Variants in EPM2A observed in about 807,000 individuals in gnomAD.
EPM2A encodes EPM2A glucan phosphatase, laforin.
A neutral mutation model predicts 26.5 loss-of-function variants in EPM2A; 21 were observed. The ratio of observed to expected loss-of-function variants is 0.79; its 90% CI spans 0.56 to 1.14. The LOEUF (loss-of-function observed/expected upper bound fraction) is 1.14. Among genes scored for constraint, EPM2A ranks in the 50% most tolerant of loss-of-function variants. The probability of loss-of-function intolerance (pLI) is 0.00; values close to 1 mark genes in which losing one functional copy is unlikely to be tolerated. For synonymous variants in EPM2A, 217 were observed against 177.6 expected (o/e 1.22, Z -1.76); for missense variants, 458 against 440.8 (o/e 1.04, Z -0.35).
intron 2 of EPM2A, among the ~76,000 whole-genome samples, chr6:145,598,516 G>T (rs1300453954): frequency 6.6e-6 from 1 of 152,098 alleles, no homozygotes; most frequent in Non-Finnish European, 1.5e-5. Context: ...ACCTTTGTTA[G>T]ATGCATAGTT....
intron 2 of EPM2A, among the ~76,000 whole-genome samples, chr6:145,676,776 G>C (rs1400210690): frequency 2.0e-5 from 3 of 152,132 alleles, no homozygotes; most frequent in Admixed American, 2.0e-4. Flanking sequence ...CTGAAATTGA[G>C]GCAATAATTG....
chr6:145,603,460 T>C (rs1475236412), intron 2 of EPM2A, among the ~76,000 whole-genome samples: 1 of 152,160 alleles, frequency 6.6e-6, no homozygotes. Flanking sequence ...CACATTTTTA[T>C]GTGATTAATT....
chr6:145,503,568 A>T (rs1779926101), intron 2 of EPM2A, among the ~76,000 whole-genome samples: 1 of 87,348 alleles, frequency 1.1e-5, no homozygotes, highest in Non-Finnish European at 2.2e-5. Context: ...GGAGAACTAC[A>T]AACCACTGCT....
At chr6:145,655,909 T>A (rs1286088590) in intron 2 of EPM2A, among the ~76,000 whole-genome samples, 1 of 152,180 alleles carries the variant, frequency 6.6e-6, no homozygotes, top group Non-Finnish European at 1.5e-5. Context: ...GTTCTTAGTG[T>A]TTGGAAAGTA....
chr6:145,561,565 G>T (rs1321456706), intron 2 of EPM2A, among the ~76,000 whole-genome samples: 1 of 152,078 alleles, frequency 6.6e-6, no homozygotes, highest in Non-Finnish European at 1.5e-5. Flanking sequence ...ACACACAAAT[G>T]GTAACTATTC....
At chr6:145,533,006 T>C in intron 2 of EPM2A, among the ~76,000 whole-genome samples, 1 of 152,190 alleles carries the variant, frequency 6.6e-6, no homozygotes, top group Admixed American at 6.5e-5. Flanking sequence ...ATCAAACTTA[T>C]ATATTCATTT....
intron 2 of EPM2A, among the ~76,000 whole-genome samples, chr6:145,525,251 ATTTATTTT>A (rs1005733872): frequency 2.5e-5 from 3 of 117,820 alleles, no homozygotes; most frequent in Non-Finnish European, 5.6e-5. Context: ...TTATTTATTT[ATTTATTTT>A]TTGCTTAGTA....
intron 2 of EPM2A, among the ~76,000 whole-genome samples, chr6:145,551,615 T>G (rs962769607): frequency 6.6e-6 from 1 of 152,096 alleles, no homozygotes. Flanking sequence ...AAATCTTGGT[T>G]AAGAATTACA....
intron 2 of EPM2A, among the ~76,000 whole-genome samples, chr6:145,533,242 C>G (rs576934652): frequency 1.2e-4 from 19 of 152,264 alleles, no homozygotes; most frequent in South Asian, 8.3e-4. Flanking sequence ...CCTGTTGACT[C>G]TATTTCCTTG....
At chr6:145,658,712 A>T (rs1055669252) in intron 2 of EPM2A, among the ~76,000 whole-genome samples, 2 of 152,234 alleles carry the variant, frequency 1.3e-5, no homozygotes, top group African/African-American at 4.8e-5. Context: ...TGCTTTTATA[A>T]GTTAAAGTAG....
chr6:145,499,272 G>T (rs545914575), downstream of EPM2A, among the ~76,000 whole-genome samples: 1 of 152,220 alleles, frequency 6.6e-6, no homozygotes, highest in African/African-American at 2.4e-5. Flanking sequence ...CTCTTTCCCT[G>T]AGTTCCAATT....
intron 4 of EPM2A, chr6:145,463,474 G>A (rs1299409788): frequency 1.3e-5 from 2 of 152,004 alleles, no homozygotes; most frequent in Non-Finnish European, 2.9e-5. Context: ...GTAAATTTAT[G>A]CACATACATA....
chr6:145,608,680 T>G (rs1277928924), intron 2 of EPM2A, among the ~76,000 whole-genome samples: 1 of 152,162 alleles, frequency 6.6e-6, no homozygotes. Flanking sequence ...GGTCCTGGAT[T>G]AAGTTTGCTG....
At chr6:145,674,782 A>AT (rs1779903294) in intron 2 of EPM2A, among the ~76,000 whole-genome samples, 1 of 152,130 alleles carries the variant, frequency 6.6e-6, no homozygotes, top group African/African-American at 2.4e-5. Context: ...ATATGGCACT[A>AT]TGTGAAAAGA....
intron 4 of EPM2A, among the ~76,000 whole-genome samples, chr6:145,401,442 C>A (rs188432560): frequency 6.2e-4 from 95 of 152,218 alleles, no homozygotes; most frequent in Non-Finnish European, 1.3e-3. Context: ...TCCAATTACT[C>A]TTCTTGTTGA....
chr6:145,665,832 C>T (rs1343359416), intron 2 of EPM2A, among the ~76,000 whole-genome samples: 81 of 141,304 alleles, frequency 5.7e-4, no homozygotes, highest in Non-Finnish European at 9.4e-4. Context: ...AAGTGGGCTT[C>T]ATCCCTGGGA....
In EPM2A at chr6:145,697,582, G is replaced by A. The variant is rs536223586; in HGVS notation, c.302-11286C>T. 2.9e-4 allele frequency among the ~76,000 whole-genome samples: 44 copies of A among 152,110 alleles called. No individual in the cohort carries two copies. In the South Asian group the frequency reaches 5.8e-3, roughly 20 times the overall value. On this transcript the variant is annotated intron_variant, in intron 1 of 3. Transcript: ENST00000367519. ...AGACTGGGGTTTATTTCATCCCTACGGCTCGACCATAAAAGATGGCCGCCC... is the reference window on the plus strand; with the variant it reads ...AGACTGGGGTTTATTTCATCCCTACAGCTCGACCATAAAAGATGGCCGCCC...
chr6:145,498,352 G>A (rs1048153621), downstream of EPM2A, among the ~76,000 whole-genome samples: 2 of 152,150 alleles, frequency 1.3e-5, no homozygotes, highest in Non-Finnish European at 2.9e-5. Context: ...CCCCTTCCTA[G>A]GGGTACCTGT....
chr6:145,679,608 C>A (rs972162774), intron 2 of EPM2A, among the ~76,000 whole-genome samples: 3 of 151,842 alleles, frequency 2.0e-5, no homozygotes, highest in African/African-American at 7.3e-5. Flanking sequence ...TACTTCTTTG[C>A]AGAATTAAAG....
Sources: gnomAD v4.1 joint callset for allele counts (sites outside exome capture counted in the v4.1 genomes callset) on GRCh38, gnomAD v4.1.1 for gene constraint, MANE v1.5 for transcripts, NCBI Gene and HGNC (gene_info 2026-07-23, HGNC 2026-07-21) for gene names.